MAP3K13: variants seen among roughly 807,000 people sequenced by gnomAD.
MAP3K13 encodes the protein leucine zipper-bearing kinase.
In MAP3K13, 52 loss-of-function variants were observed where a neutral mutation model predicts 104.0. The ratio of observed to expected loss-of-function variants is 0.50; its 90% confidence interval spans 0.40 to 0.63. The LOEUF (loss-of-function observed/expected upper bound fraction) is 0.63. Among genes scored for constraint, MAP3K13 ranks in the 20% least tolerant of loss-of-function variants. The pLI, the probability that MAP3K13 is intolerant of heterozygous loss-of-function variation, is 0.00. For synonymous variants in MAP3K13, 394 were observed against 442.2 expected, an observed-to-expected ratio of 0.89 and a Z score of 1.37; for missense variants, 914 against 1,218.5, an observed-to-expected ratio of 0.75 and a Z score of 3.72.
chr3:185,479,263 C>A (rs1718313758), intron 12 of MAP3K13, among the ~76,000 whole-genome samples: 2 of 152,164 alleles, frequency 1.3e-5, no homozygotes, highest in Non-Finnish European at 2.9e-5. Flanking sequence ...GGACACTGGG[C>A]TCTGGGAAAT....
chr3:185,378,001 TG>T lies in MAP3K13; in HGVS notation c.-86+14637del, dbSNP rs749076674. On this transcript the variant is annotated intron_variant, in intron 1 of 13. Transcript: ENST00000265026. ...ATTTCCGGCACTTGTAGCAAGCTCC[TG>T]GGGTGGGGGGAGGTTCTGGAGGAAC... Among the ~76,000 whole-genome samples the T allele has an allele frequency of 9.3e-5, 14 of 150,888 alleles. 1 individual carries two copies. The highest frequency in any genetic ancestry group is 2.4e-4 in the African/African-American group (10 of 41,302).
At chr3:185,320,576 A>G (rs1721819095) in intron 2 of MAP3K13, among the ~76,000 whole-genome samples, 1 of 152,208 alleles carries the variant, frequency 6.6e-6, no homozygotes, top group Non-Finnish European at 1.5e-5. Flanking sequence ...ACAACCTGAC[A>G]TAGGTTTCCC....
chr3:185,402,413 C>T (rs886931323), intron 1 of MAP3K13, among the ~76,000 whole-genome samples: 1 of 152,072 alleles, frequency 6.6e-6, no homozygotes, highest in Admixed American at 6.5e-5. Context: ...TTCTTCACCT[C>T]TTTACCTATT....
chr3:185,337,502 A>G (rs1722550574), intron 2 of MAP3K13, among the ~76,000 whole-genome samples: 1 of 152,262 alleles, frequency 6.6e-6, no homozygotes, highest in Non-Finnish European at 1.5e-5. Context: ...AAGTGGAGGC[A>G]GAATGCCAAC....
Position 185,451,359 on chromosome 3 carries a change from A to C in MAP3K13, c.1242A>C (p.Val414=), listed in dbSNP as rs762321776. The part of the protein sequence containing the change: ...LMHLDIASAD[V]LATPQETYFK... ...ATTTAGACATTGCCTCTGCAGATGT[A>C]CTTGCCACCCCACAAGAAACTTACT... is the stretch of plus-strand genomic sequence containing the variant. Residue 414 remains valine, a synonymous_variant, in exon 7 of 14, where the codon GTA becomes GTC. Transcript: ENST00000265026. 6.2e-7 allele frequency: 1 copy of C among 1,613,720 alleles called. No individual in the cohort carries two copies. The highest frequency in any genetic ancestry group is 8.5e-7 in the Non-Finnish European group (1 of 1,179,664).
At chr3:185,301,337 G>A (rs1721102878) in intron 2 of MAP3K13, among the ~76,000 whole-genome samples, 1 of 150,854 alleles carries the variant, frequency 6.6e-6, no homozygotes, top group Admixed American at 6.6e-5. Context: ...TTATTATTGA[G>A]TTGTAAGACT....
At chr3:185,396,569 C>T (rs1696357923) in intron 1 of MAP3K13, among the ~76,000 whole-genome samples, 1 of 152,034 alleles carries the variant, frequency 6.6e-6, no homozygotes, top group South Asian at 2.1e-4. Flanking sequence ...TATTATGAGG[C>T]TCAAATGAAA....
chr3:185,348,733 A>C (rs1031949191), intron 2 of MAP3K13, among the ~76,000 whole-genome samples: 1 of 152,170 alleles, frequency 6.6e-6, no homozygotes, highest in Non-Finnish European at 1.5e-5. Context: ...CCTGGCCAAC[A>C]TGGTGAAACC....
intron 1 of MAP3K13, among the ~76,000 whole-genome samples, chr3:185,379,806 C>A (rs1219365727): frequency 6.6e-6 from 1 of 152,176 alleles, no homozygotes; most frequent in Non-Finnish European, 1.5e-5. Flanking sequence ...CTGCAAGAGA[C>A]CTACCCATGA....
chr3:185,321,155 G>GCA (rs956602564), intron 2 of MAP3K13, among the ~76,000 whole-genome samples: 2 of 145,640 alleles, frequency 1.4e-5, no homozygotes, highest in Non-Finnish European at 3.0e-5. Flanking sequence ...ATATATGCGT[G>GCA]CACACACATA....
At chr3:185,441,394 T>C (rs183561624) in intron 3 of MAP3K13, among the ~76,000 whole-genome samples, 1 of 152,252 alleles carries the variant, frequency 6.6e-6, no homozygotes, top group African/African-American at 2.4e-5. Context: ...TGTGAACCTC[T>C]AGGCGTTGAG....
chr3:185,301,029 T>C (rs1721085585), intron 2 of MAP3K13, among the ~76,000 whole-genome samples: 1 of 152,122 alleles, frequency 6.6e-6, no homozygotes, highest in Non-Finnish European at 1.5e-5. Flanking sequence ...TCCCTACTGT[T>C]TTCCATAGCA....
At chr3:185,397,711 C>G (rs1712509641) in intron 1 of MAP3K13, among the ~76,000 whole-genome samples, 1 of 151,954 alleles carries the variant, frequency 6.6e-6, no homozygotes, top group Non-Finnish European at 1.5e-5. Context: ...AGTAATCAGT[C>G]TGACCCTTAT....
chr3:185,324,740 G>GA (rs1388584049), intron 2 of MAP3K13, among the ~76,000 whole-genome samples: 13 of 150,568 alleles, frequency 8.6e-5, no homozygotes, highest in African/African-American at 3.2e-4. Flanking sequence ...GAGACTTCTA[G>GA]AAAAAAGAAT....
In MAP3K13 at chr3:185,486,233, A is replaced by ATGCTAT. The variant is rs922144856; in HGVS notation, c.*3780_*3785dup. 58 of 152,274 alleles carry ATGCTAT rather than the reference A, an allele frequency of 3.8e-4. No homozygotes were observed. Among genetic ancestry groups the ATGCTAT allele is most frequent in the African/African-American group, 1.4e-3 (57 of 41,548 alleles). 9.4% of individuals were successfully genotyped at this position (152,274 alleles called of 1,614,324 possible). ...TGAATTCTCATCTTGATTATCTGTTATGCTATTGTCATCATACACCTTATG... is the reference window on the plus strand; with the variant it reads ...TGAATTCTCATCTTGATTATCTGTTATGCTATTGCTATTGTCATCATACACCTTATG... On this transcript the variant is annotated 3_prime_UTR_variant, in exon 14 of 14. Coordinates refer to ENST00000265026, the MANE Select transcript of MAP3K13 (RefSeq NM_004721.5).
intron 2 of MAP3K13, among the ~76,000 whole-genome samples, chr3:185,297,027 G>T (rs988184318): frequency 1.3e-5 from 2 of 152,146 alleles, no homozygotes; most frequent in Non-Finnish European, 2.9e-5. Flanking sequence ...GCTCAGAAAT[G>T]ATTGAACTGG....
chr3:185,355,335 T>C (rs1723305909), intron 2 of MAP3K13, among the ~76,000 whole-genome samples: 1 of 152,008 alleles, frequency 6.6e-6, no homozygotes, highest in South Asian at 2.1e-4. Flanking sequence ...GGCATGGTGG[T>C]GCGTGCCTGT....
intron 1 of MAP3K13, among the ~76,000 whole-genome samples, chr3:185,385,187 G>A (rs1021648649): frequency 6.6e-6 from 1 of 152,074 alleles, no homozygotes; most frequent in South Asian, 2.1e-4. Flanking sequence ...GTCTCACTCT[G>A]TCTCTCAGGC....
intron 2 of MAP3K13, among the ~76,000 whole-genome samples, chr3:185,342,467 T>A (rs1403086909): frequency 4.6e-5 from 7 of 152,154 alleles, no homozygotes; most frequent in Non-Finnish European, 8.8e-5. Context: ...TAGACAAGAC[T>A]TTTAGGAAAC....
Sources: gnomAD v4.1 joint callset for allele counts (sites outside exome capture counted in the v4.1 genomes callset) on GRCh38, gnomAD v4.1.1 for gene constraint, MANE v1.5 for transcripts, NCBI Gene and HGNC (gene_info 2026-07-23, HGNC 2026-07-21) for gene names.